LYPD6B: variants seen among roughly 807,000 people sequenced by gnomAD.
LYPD6B encodes the protein LY6/PLAUR domain containing 6B.
LYPD6B carries 17 observed loss-of-function variants against 22.8 expected under a neutral mutation model. The ratio of observed to expected loss-of-function variants is 0.75; its 90% CI spans 0.51 to 1.12. The LOEUF (loss-of-function observed/expected upper bound fraction) is 1.12, where lower values mean the gene tolerates loss of function less well. LYPD6B is among the 50% of genes most tolerant of loss of function. The probability of loss-of-function intolerance (pLI) is 0.00; values close to 1 mark genes in which losing one functional copy is unlikely to be tolerated. For missense variants in LYPD6B, 221 were observed against 258.3 expected (o/e 0.86, Z 0.99); for synonymous variants, 106 against 91.6 (o/e 1.16, Z -0.90).
intron 1 of LYPD6B, among the ~76,000 whole-genome samples, chr2:149,104,281 T>C (rs1686360666): frequency 1.3e-5 from 2 of 152,172 alleles, no homozygotes; most frequent in Non-Finnish European, 1.5e-5. Flanking sequence ...AGGAGTGCAA[T>C]GGCTGGAACA....
At chr2:149,187,346 C>G (rs1481671866) in intron 3 of LYPD6B, 2 of 1,368,348 alleles carry the variant, frequency 1.5e-6, no homozygotes, top group African/African-American at 3.0e-5. Flanking sequence ...TTATTTATGC[C>G]CAAATGGCTA....
At chr2:149,088,562 T>C (rs748184869) in intron 1 of LYPD6B, among the ~76,000 whole-genome samples, 1 of 152,222 alleles carries the variant, frequency 6.6e-6, no homozygotes, top group Non-Finnish European at 1.5e-5. Flanking sequence ...TCTTTTCTCC[T>C]GCCTCTTGCT....
intron 1 of LYPD6B, among the ~76,000 whole-genome samples, chr2:149,040,370 C>T (rs151315687): frequency 4.1e-4 from 62 of 152,112 alleles, no homozygotes; most frequent in African/African-American, 1.4e-3. Context: ...GAGTTACAGG[C>T]GCCGGCCACC....
intron 5 of LYPD6B, among the ~76,000 whole-genome samples, chr2:149,209,726 A>G (rs1170593809): frequency 2.0e-5 from 3 of 152,192 alleles, no homozygotes; most frequent in Admixed American, 2.0e-4. Context: ...ATAAATTAGC[A>G]CAAATGGCCG....
intron 6 of LYPD6B, among the ~76,000 whole-genome samples, chr2:149,213,567 G>A (rs915112102): frequency 1.3e-5 from 2 of 152,204 alleles, no homozygotes; most frequent in African/African-American, 4.8e-5. Flanking sequence ...TTCTAAATGA[G>A]CATTTCACTC....
chr2:149,066,157 T>G (rs1684316644), intron 1 of LYPD6B, among the ~76,000 whole-genome samples: 1 of 152,122 alleles, frequency 6.6e-6, no homozygotes, highest in Non-Finnish European at 1.5e-5. Context: ...CATTATTTGT[T>G]TCCTTTTTTT....
At chr2:149,097,893 A>ATCATGTAC (rs1685979827) in intron 1 of LYPD6B, among the ~76,000 whole-genome samples, 1 of 152,166 alleles carries the variant, frequency 6.6e-6, no homozygotes, top group Non-Finnish European at 1.5e-5. Context: ...TTGTCATTCC[A>ATCATGTAC]TCATGTACTC....
chr2:149,053,849 T>TA (rs1201163620), intron 1 of LYPD6B, among the ~76,000 whole-genome samples: 1 of 152,354 alleles, frequency 6.6e-6, no homozygotes, highest in African/African-American at 2.4e-5. Flanking sequence ...ATATGTGGTC[T>TA]CTTGTGTCTG....
At chr2:149,057,706 C>A (rs531508715) in intron 1 of LYPD6B, among the ~76,000 whole-genome samples, 21 of 152,200 alleles carry the variant, frequency 1.4e-4, no homozygotes, top group Admixed American at 1.4e-3. Flanking sequence ...AGAATTACAG[C>A]ATTGCAGGCA....
At chr2:149,046,671 A>T in intron 1 of LYPD6B, among the ~76,000 whole-genome samples, 1 of 151,760 alleles carries the variant, frequency 6.6e-6, no homozygotes, top group East Asian at 1.9e-4. Flanking sequence ...GCCTCTTTAC[A>T]TTTTTTTAGT....
chr2:149,132,232 A>G (rs1198896406), intron 2 of LYPD6B, among the ~76,000 whole-genome samples: 1 of 150,548 alleles, frequency 6.6e-6, no homozygotes, highest in Non-Finnish European at 1.5e-5. Context: ...TTCCAGGGCC[A>G]TGCCAGATTC....
chr2:149,175,061 C>CTCTCTCTGTGTGTGTGTG (rs1454802925), intron 3 of LYPD6B, among the ~76,000 whole-genome samples: 20 of 112,984 alleles, frequency 1.8e-4, no homozygotes, highest in South Asian at 7.5e-4. Context: ...CTCTCTCTCT[C>CTCTCTCTGTGTGTGTGTG]TGTGTGTGTG....
At chr2:149,205,085 A>G (rs1373443507) in intron 3 of LYPD6B, 168 bp from the exon 4 acceptor site, 21 of 653,898 alleles carry the variant, frequency 3.2e-5, no homozygotes, top group Admixed American at 6.5e-5. Context: ...GTCATTACTT[A>G]CCTTTCATTT....
At chr2:149,184,602 A>G (rs763434870) in intron 3 of LYPD6B, among the ~76,000 whole-genome samples, 2 of 152,254 alleles carry the variant, frequency 1.3e-5, no homozygotes. Context: ...GAAGAATTTT[A>G]TAACCAAATA....
At chr2:149,137,025 G>A (rs546189031) in intron 2 of LYPD6B, among the ~76,000 whole-genome samples, 2 of 152,334 alleles carry the variant, frequency 1.3e-5, no homozygotes, top group Non-Finnish European at 2.9e-5. Flanking sequence ...TAATAAATTA[G>A]TAGAGAAAGG....
chr2:149,104,611 T>C (rs1380692681), intron 1 of LYPD6B, among the ~76,000 whole-genome samples: 1 of 152,246 alleles, frequency 6.6e-6, no homozygotes, highest in Non-Finnish European at 1.5e-5. Context: ...ATATTCTGTA[T>C]GCAAATTCTC....
At chr2:149,153,364 G>T in intron 2 of LYPD6B, among the ~76,000 whole-genome samples, 1 of 152,192 alleles carries the variant, frequency 6.6e-6, no homozygotes, top group Admixed American at 6.5e-5. Flanking sequence ...GTTGTAAATA[G>T]ATTGGGTTTT....
intron 1 of LYPD6B, among the ~76,000 whole-genome samples, chr2:149,087,320 G>GA (rs1170863085): frequency 6.6e-6 from 1 of 151,994 alleles, no homozygotes; most frequent in Non-Finnish European, 1.5e-5. Flanking sequence ...AGTTTAGTGA[G>GA]AAAAAAATAC....
intron 1 of LYPD6B, among the ~76,000 whole-genome samples, chr2:149,103,834 T>C (rs111602356): frequency 0.026 from 3,563 of 137,364 alleles, 89 homozygotes; most frequent in African/African-American, 0.066. Flanking sequence ...TGGAGTGCAG[T>C]GGCATGATCT....
Sources: allele counts gnomAD v4.1 joint callset (sites outside exome capture counted in the v4.1 genomes callset), GRCh38; gene constraint gnomAD v4.1.1; transcripts MANE v1.5; gene names NCBI Gene and HGNC (gene_info 2026-07-23, HGNC 2026-07-21).